Variants in TIGIT observed in about 807,000 individuals in gnomAD.
The protein encoded by TIGIT is T-cell immunoreceptor with Ig and ITIM domains.
TIGIT carries 11 observed loss-of-function variants against 19.6 expected under a neutral mutation model. The observed-to-expected ratio is 0.56, with a 90% confidence interval of 0.35 to 0.93. The LOEUF is 0.93. Ranked by LOEUF, TIGIT falls within the 40% of genes least tolerant of loss-of-function variation. TIGIT has a pLI of 0.01. For missense variants in TIGIT, 295 were observed against 303.9 expected, an observed-to-expected ratio of 0.97 and a Z score of 0.22; for synonymous variants, 130 against 125.5, an observed-to-expected ratio of 1.04 and a Z score of -0.24.
chr3:114,294,196 T>C (rs958294234), intron 1 of TIGIT, 74 bp downstream of exon 1: 3 of 1,241,406 alleles, frequency 2.4e-6, no homozygotes, highest in Non-Finnish European at 3.4e-6. Context: ...TGGGTGCTTG[T>C]GTAGGGAAGA....
intron 3 of TIGIT, among the ~76,000 whole-genome samples, chr3:114,300,022 G>A (rs577433281): frequency 2.0e-5 from 3 of 152,048 alleles, no homozygotes; most frequent in Non-Finnish European, 4.4e-5. Flanking sequence ...TTGATGCATC[G>A]TGGGCATCTA....
intron 3 of TIGIT, among the ~76,000 whole-genome samples, chr3:114,302,567 A>G (rs1460689284): frequency 1.3e-5 from 2 of 152,204 alleles, no homozygotes; most frequent in African/African-American, 2.4e-5. Flanking sequence ...TGAAGTAATT[A>G]CATCCATTTT....
At chr3:114,297,926 A>G (rs896631353) in intron 2 of TIGIT, among the ~76,000 whole-genome samples, 4 of 152,176 alleles carry the variant, frequency 2.6e-5, no homozygotes, top group Non-Finnish European at 5.9e-5. Flanking sequence ...TTGTTTCCCA[A>G]GTGGTCAGTT....
chr3:114,308,022 G>T lies in TIGIT; in HGVS notation c.626G>T (p.Gly209Val). The stretch of plus-strand genomic sequence containing the variant: ...GTCCAGGCAGAAGCTGCACCTGCTG[G>T]GCTCTGTGGAGAGCAGCGGGGAGAG... ...SCVQAEAAPAGLCGEQRGEDC... is the reference protein window; with the variant it reads ...SCVQAEAAPAVLCGEQRGEDC... Residue 209 changes from glycine (G) to valine (V), a missense_variant, in exon 4 of 4, where the codon GGG becomes GTG. By Grantham distance (109) the Gly-to-Val change is moderately radical (BLOSUM62 -3). Coordinates refer to ENST00000383671, the MANE Select transcript of TIGIT (RefSeq NM_173799.4). The T allele has an allele frequency of 2.5e-6, 4 of 1,614,120 alleles. No homozygotes were observed. The highest frequency in any genetic ancestry group is 3.4e-6 in the Non-Finnish European group (4 of 1,180,002).
rs377316229 is a variant in TIGIT, at chr3:114,300,326, G to T, written c.498+623G>T. Among the ~76,000 whole-genome samples the T allele has an allele frequency of 1.4e-4, 21 of 151,780 alleles. 1 individual carries two copies. The South Asian group carries it at 4.2e-3, about 30-fold the overall frequency. ...CTCTAGGAGTTCAAGGCTGCAGTGAGCTATGACTGCACTCCAGCGTGGGCA... is the reference window on the plus strand; with the variant it reads ...CTCTAGGAGTTCAAGGCTGCAGTGATCTATGACTGCACTCCAGCGTGGGCA... On this transcript the variant is annotated intron_variant, in intron 3 of 3. Coordinates refer to ENST00000383671, the MANE Select transcript of TIGIT (RefSeq NM_173799.4).
At chr3:114,304,237 A>T (rs957479360) in intron 3 of TIGIT, among the ~76,000 whole-genome samples, 6 of 152,236 alleles carry the variant, frequency 3.9e-5, no homozygotes, top group African/African-American at 1.4e-4. Context: ...GCTGTGCAGA[A>T]GATATTACTT....
chr3:114,303,828 A>G (rs548518697), intron 3 of TIGIT, among the ~76,000 whole-genome samples: 20 of 152,096 alleles, frequency 1.3e-4, no homozygotes, highest in African/African-American at 4.8e-4. Context: ...TTAGTTCCTT[A>G]AGGAATCTCC....
intron 3 of TIGIT, among the ~76,000 whole-genome samples, chr3:114,305,244 T>C (rs933148961): frequency 6.6e-6 from 1 of 152,236 alleles, no homozygotes; most frequent in African/African-American, 2.4e-5. Context: ...CATCCATCTG[T>C]GTCCCATCTC....
Position 114,294,066 on chromosome 3 carries a change from G to A in TIGIT, c.5G>A (p.Arg2His), listed in dbSNP as rs138322602. ...GTAGGCCCTCTGGGCAGAAGCATGC[G>A]CTGGTGTCTCCTCCTGATCTGGGCC... M[R>H]WCLLLIWAQG... The change falls in exon 1 of 4, where the codon CGC (arginine) becomes CAC (histidine). Residue 2 changes from arginine (R) to histidine (H), a missense_variant. Transcript: ENST00000383671. 4.6e-4 allele frequency: 715 copies of A among 1,552,674 alleles called. 1 individual carries two copies. The highest frequency in any genetic ancestry group is 5.8e-4 in the Non-Finnish European group (669 of 1,147,342).
At chr3:114,301,461 A>C (rs1198901935) in intron 3 of TIGIT, among the ~76,000 whole-genome samples, 1 of 152,246 alleles carries the variant, frequency 6.6e-6, no homozygotes, top group Non-Finnish European at 1.5e-5. Flanking sequence ...ATGATTGAAT[A>C]GAGGGGGGAG....
At chr3:114,296,639 G>T (rs1400642440) in intron 2 of TIGIT, among the ~76,000 whole-genome samples, 3 of 152,232 alleles carry the variant, frequency 2.0e-5, no homozygotes, top group Non-Finnish European at 4.4e-5. Context: ...CCTGGAACAT[G>T]GTAAGTGCTG....
intron 3 of TIGIT, among the ~76,000 whole-genome samples, chr3:114,303,529 G>GTATATATATATATACATATATATGTATA (rs1309447921): frequency 1.0e-4 from 1 of 9,576 alleles, no homozygotes; most frequent in Non-Finnish European, 4.4e-4. Context: ...ACATATATAT[G>GTATATATATATATACATATATATGTATA]TATATATATA....
chr3:114,294,968 G>A (rs1335134843), intron 1 of TIGIT: 1 of 155,304 alleles, frequency 6.4e-6, no homozygotes, highest in Admixed American at 6.2e-5. Context: ...TATATTCTAA[G>A]TGGGTAGACA....
At chr3:114,303,965 T>C (rs922874369) in intron 3 of TIGIT, among the ~76,000 whole-genome samples, 6 of 152,014 alleles carry the variant, frequency 3.9e-5, no homozygotes, top group African/African-American at 1.5e-4. Flanking sequence ...CTTACAAGAG[T>C]AAGGTGGTAT....
rs568516381 is a variant in TIGIT at position 114,296,359 on chromosome 3, T to G, written c.391+485T>G. Among the ~76,000 whole-genome samples the G allele has an allele frequency of 9.8e-5, 15 of 152,340 alleles. No individual in the cohort carries two copies. The South Asian group carries it at 1.0e-3, about 11-fold the overall frequency. Reference sequence around the variant, plus strand: ...TTCCCAAATGCCCTCATATTTGTTATCCACCTGTACATTTAAACCAATTCC... The same window carrying G: ...TTCCCAAATGCCCTCATATTTGTTAGCCACCTGTACATTTAAACCAATTCC... On this transcript the variant is annotated intron_variant, in intron 2 of 3. Coordinates refer to ENST00000383671, the MANE Select transcript of TIGIT (RefSeq NM_173799.4).
At chr3:114,305,154 A>C (rs927727507) in intron 3 of TIGIT, among the ~76,000 whole-genome samples, 2 of 114,614 alleles carry the variant, frequency 1.7e-5, no homozygotes, top group Non-Finnish European at 3.7e-5. Context: ...TATACTGTTG[A>C]CCCAATTCCA....
chr3:114,294,498 T>C (rs2078440927), intron 1 of TIGIT, among the ~76,000 whole-genome samples: 1 of 152,200 alleles, frequency 6.6e-6, no homozygotes. Context: ...GAAAACATTA[T>C]AAGTTCTCTG....
intron 3 of TIGIT, among the ~76,000 whole-genome samples, chr3:114,305,868 A>ATG (rs2078531294): frequency 4.5e-5 from 5 of 110,008 alleles, no homozygotes; most frequent in Middle Eastern, 4.9e-3. Flanking sequence ...ATGGATGGAT[A>ATG]GATAGATAGA....
chr3:114,305,301 T>C (rs1425429680), intron 3 of TIGIT, among the ~76,000 whole-genome samples: 1 of 152,194 alleles, frequency 6.6e-6, no homozygotes, highest in Non-Finnish European at 1.5e-5. Context: ...AGCAGGTGAA[T>C]GATCCCATTC....
Sources: gnomAD v4.1 joint callset for allele counts (sites outside exome capture counted in the v4.1 genomes callset) on GRCh38, gnomAD v4.1.1 for gene constraint, MANE v1.5 for transcripts, NCBI Gene and HGNC (gene_info 2026-07-23, HGNC 2026-07-21) for gene names.